Variants in KIAA1671 observed in about 807,000 individuals in gnomAD.
The protein encoded by KIAA1671 is KIAA1671, also known as uncharacterized protein KIAA1671.
In KIAA1671, 52 loss-of-function variants were observed where a neutral mutation model predicts 131.2. That is an observed-to-expected ratio of 0.40 (90% CI 0.32 to 0.50). The LOEUF (loss-of-function observed/expected upper bound fraction) is 0.50, where lower values mean the gene tolerates loss of function less well. Ranked by LOEUF, KIAA1671 falls within the 20% of genes least tolerant of loss-of-function variation. The pLI, the probability that KIAA1671 is intolerant of heterozygous loss-of-function variation, is 0.73. For missense variants in KIAA1671, 2,360 were observed against 2,364.2 expected (o/e 1.00, Z 0.04); for synonymous variants, 1,003 against 961.6 (o/e 1.04, Z -0.80).
Position 25,185,127 on chromosome 22 carries a change from G to T in KIAA1671, c.5342+8G>T, listed in dbSNP as rs1472334612. 2.6e-6 allele frequency: 4 copies of T among 1,538,550 alleles called. No homozygotes were observed. The Admixed American group carries it at 6.1e-5, about 24-fold the overall frequency. ...CATGGACAAGGATGAGAGGTGAGGG[G>T]TCTTGGGGAATGGGGGTCCCTCTCC... On this transcript the variant is annotated splice_region_variant and intron_variant, in intron 11 of 12. Transcript: ENST00000358431.
intron 1 of KIAA1671, among the ~76,000 whole-genome samples, chr22:24,982,955 T>A (rs1299686476): frequency 1.3e-5 from 2 of 152,172 alleles, no homozygotes; most frequent in Non-Finnish European, 2.9e-5. Flanking sequence ...CCTTGGCCTT[T>A]CTGAGCTTCC....
rs144927391 is a variant in KIAA1671 at position 25,148,512 on chromosome 22, C to T, written c.4531-22308C>T. 4.3e-4 allele frequency among the ~76,000 whole-genome samples: 66 copies of T among 152,328 alleles called. No homozygotes were observed. In the East Asian group the frequency reaches 0.011, roughly 26 times the overall value. ...AAGGGCAGTCCATGCAGGAAGTTCA[C>T]AGCAGTGGGCAACTGTAGGGCTTAT... On this transcript the variant is annotated intron_variant, in intron 6 of 12. Transcript: ENST00000358431.
At chr22:25,149,159 C>T (rs536512714) in intron 6 of KIAA1671, among the ~76,000 whole-genome samples, 1 of 152,308 alleles carries the variant, frequency 6.6e-6, no homozygotes, top group African/African-American at 2.4e-5. Flanking sequence ...GTGCTCACCT[C>T]GACTCTGGAC....
chr22:25,183,987 T>G (rs1255743751), intron 10 of KIAA1671, among the ~76,000 whole-genome samples: 1 of 152,206 alleles, frequency 6.6e-6, no homozygotes, highest in African/African-American at 2.4e-5. Flanking sequence ...ATGCACCGAG[T>G]AACTGCTGAG....
intron 6 of KIAA1671, chr22:25,053,695 G>A (rs1385700510): frequency 5.9e-5 from 9 of 152,332 alleles, no homozygotes. Flanking sequence ...GGAGGGTCCA[G>A]TTAGGTGCAG....
At chr22:24,963,969 T>C (rs1356722582) in intron 1 of KIAA1671, among the ~76,000 whole-genome samples, 1 of 149,792 alleles carries the variant, frequency 6.7e-6, no homozygotes, top group African/African-American at 2.5e-5. Flanking sequence ...TTGCAGGAGA[T>C]AACTGAGGCT....
At chr22:25,021,733 G>A (rs1925678900) in intron 1 of KIAA1671, among the ~76,000 whole-genome samples, 5 of 152,124 alleles carry the variant, frequency 3.3e-5, no homozygotes, top group Non-Finnish European at 7.4e-5. Context: ...CCTGTGCACA[G>A]CAGCCCTTCT....
At chr22:24,975,996 T>G (rs1350378096) in intron 1 of KIAA1671, among the ~76,000 whole-genome samples, 1 of 152,242 alleles carries the variant, frequency 6.6e-6, no homozygotes, top group South Asian at 2.1e-4. Flanking sequence ...GTGTGGCTAC[T>G]GTATGCCTTG....
intron 8 of KIAA1671, chr22:25,175,352 C>T (rs932338370): frequency 6.6e-6 from 1 of 152,232 alleles, no homozygotes; most frequent in Non-Finnish European, 1.5e-5. Flanking sequence ...CATGGCTACC[C>T]ACATTTCCCC....
intron 3 of KIAA1671, 23 bp downstream of exon 3, chr22:25,029,563 C>A: frequency 6.8e-7 from 1 of 1,471,082 alleles, no homozygotes; most frequent in South Asian, 1.3e-5. Flanking sequence ...ATCCCACACC[C>A]CTCTCTCAGC....
intron 1 of KIAA1671, among the ~76,000 whole-genome samples, chr22:25,001,599 TG>T (rs1924485250): frequency 6.6e-6 from 1 of 151,842 alleles, no homozygotes; most frequent in African/African-American, 2.4e-5. Flanking sequence ...TGCAGGGAAG[TG>T]GGGGATGTGG....
chr22:25,003,834 T>A (rs1924599551), intron 1 of KIAA1671, among the ~76,000 whole-genome samples: 1 of 151,598 alleles, frequency 6.6e-6, no homozygotes, highest in Non-Finnish European at 1.5e-5. Flanking sequence ...AAATAGGATT[T>A]TTTTTTTTTT....
chr22:25,145,770 C>G (rs1476740093), intron 6 of KIAA1671, among the ~76,000 whole-genome samples: 3 of 148,642 alleles, frequency 2.0e-5, no homozygotes, highest in African/African-American at 7.5e-5. Flanking sequence ...GAGACCCCAT[C>G]TCTACAAAAA....
intron 6 of KIAA1671, among the ~76,000 whole-genome samples, chr22:25,093,105 C>G (rs1930101969): frequency 6.6e-6 from 1 of 152,190 alleles, no homozygotes; most frequent in Admixed American, 6.5e-5. Flanking sequence ...TTACTGTGTG[C>G]TAGGTAATCT....
Position 25,039,867 on chromosome 22 carries a change from T to A in KIAA1671, c.2737T>A (p.Phe913Ile). Residue 913 changes from phenylalanine (F) to isoleucine (I), a missense_variant, in exon 5 of 13, where the codon TTC becomes ATC. Transcript: ENST00000358431. ...PDAFAVQKGP[F>I]IVAAREGDPG... The stretch of plus-strand genomic sequence containing the variant: ...TGCATTTGCTGTGCAGAAAGGGCCC[T>A]TCATTGTAGCCGCCAGGGAGGGTGA... 16 of 1,551,416 alleles carry A rather than the reference T, an allele frequency of 1.0e-5. No homozygotes were observed. Among genetic ancestry groups the A allele is most frequent in the Non-Finnish European group, 1.4e-5 (16 of 1,146,920 alleles).
intron 6 of KIAA1671, chr22:25,053,283 A>G (rs956991927): frequency 6.6e-6 from 1 of 152,192 alleles, no homozygotes; most frequent in East Asian, 1.9e-4. Flanking sequence ...CCTCGAGTCC[A>G]CATGGCGAAT....
At chr22:25,073,972 G>A (rs1372711959) in intron 6 of KIAA1671, among the ~76,000 whole-genome samples, 5 of 152,172 alleles carry the variant, frequency 3.3e-5, no homozygotes, top group East Asian at 3.9e-4. Flanking sequence ...GGGATTACAG[G>A]CATGAGCCAC....
intron 1 of KIAA1671, among the ~76,000 whole-genome samples, chr22:24,963,785 A>C (rs1419558870): frequency 3.3e-5 from 5 of 151,464 alleles, no homozygotes; most frequent in African/African-American, 1.2e-4. Flanking sequence ...CTAAAAATAC[A>C]AAAAATTAGC....
At chr22:24,962,843 C>T (rs938105297) in intron 1 of KIAA1671, among the ~76,000 whole-genome samples, 5 of 152,194 alleles carry the variant, frequency 3.3e-5, no homozygotes, top group African/African-American at 9.6e-5. Flanking sequence ...GTAGCTGATA[C>T]GGGTCAGTCC....
Sources: gnomAD v4.1 joint callset for allele counts (sites outside exome capture counted in the v4.1 genomes callset) on GRCh38, gnomAD v4.1.1 for gene constraint, MANE v1.5 for transcripts, NCBI Gene and HGNC (gene_info 2026-07-23, HGNC 2026-07-21) for gene names.